Variants in SLC5A4 observed in about 807,000 individuals in gnomAD.
SLC5A4 encodes probable glucose sensor protein SLC5A4.
A neutral mutation model predicts 70.3 loss-of-function variants in SLC5A4; 55 were observed. The ratio of observed to expected loss-of-function variants is 0.78; its 90% confidence interval spans 0.63 to 0.98. The LOEUF is 0.98. SLC5A4 is among the 50% of genes least tolerant of loss of function. The pLI is 0.00. For missense variants in SLC5A4, 735 were observed against 839.2 expected (o/e 0.88, Z 1.53); for synonymous variants, 268 against 305.7 (o/e 0.88, Z 1.29).
At chr22:32,247,367 G>T in intron 5 of SLC5A4, 44 bp downstream of exon 5, 1 of 1,239,704 alleles carries the variant, frequency 8.1e-7, no homozygotes, top group South Asian at 1.2e-5. Flanking sequence ...GGCCCCATCT[G>T]ACCAACCTCT....
At chr22:32,322,624 C>T in the SLC5A4 span, among the ~76,000 whole-genome samples, 3 of 151,552 alleles carry the variant, frequency 2.0e-5, no homozygotes, top group Admixed American at 6.6e-5. Context: ...AAAGAAACAG[C>T]CAGAGGCCCA....
chr22:32,290,163 T>G, the SLC5A4 span, among the ~76,000 whole-genome samples: 1 of 152,190 alleles, frequency 6.6e-6, no homozygotes, highest in African/African-American at 2.4e-5. Flanking sequence ...ACATGTGCCG[T>G]GGTGGTTTGC....
At chr22:32,235,243 G>A in intron 7 of SLC5A4, 150 bp from the exon 8 acceptor site, 1 of 610,356 alleles carries the variant, frequency 1.6e-6, no homozygotes, top group Non-Finnish European at 2.9e-6. Context: ...ATGTCTTTCT[G>A]GTACCTCCGC....
Position 32,221,003 on chromosome 22 carries a change from A to C in SLC5A4, c.1685T>G (p.Val562Gly), listed in dbSNP as rs1925046857. 5.0e-6 allele frequency: 8 copies of C among 1,613,690 alleles called. No homozygotes were observed. The highest frequency in any genetic ancestry group is 6.8e-6 in the Non-Finnish European group (8 of 1,179,610). The stretch of plus-strand genomic sequence containing the variant: ...TCGCTCCTCTGTACTGTTCCGAAGA[A>C]CCCAGCACAGGCGGTACAGCTGAAC... Reference protein sequence around the residue: ...PDVHLYRLCWVLRNSTEERID... With the variant: ...PDVHLYRLCWGLRNSTEERID... The change falls in exon 14 of 15, where the codon GTT becomes GGT. Residue 562 changes from valine (V) to glycine (G), a missense_variant. Val to Gly is a moderately radical substitution (Grantham distance 109, BLOSUM62 -3). Transcript: ENST00000266086.
chr22:32,325,710 C>G, the SLC5A4 span, among the ~76,000 whole-genome samples: 11 of 152,276 alleles, frequency 7.2e-5, no homozygotes, highest in Non-Finnish European at 1.5e-4. Flanking sequence ...ACTTCCCATG[C>G]GTGTGTAGCC....
At chr22:32,307,650 G>A in the SLC5A4 span, among the ~76,000 whole-genome samples, 2 of 152,186 alleles carry the variant, frequency 1.3e-5, no homozygotes, top group Non-Finnish European at 1.5e-5. Context: ...AAAGTTGTTT[G>A]CATGCACTGA....
the SLC5A4 span, among the ~76,000 whole-genome samples, chr22:32,345,642 T>C: frequency 6.6e-6 from 1 of 152,274 alleles, no homozygotes; most frequent in South Asian, 2.1e-4. Context: ...CTTCCCAGTT[T>C]TGACATGTCA....
chr22:32,269,569 G>A, the SLC5A4 span: 56 of 627,114 alleles, frequency 8.9e-5, no homozygotes, highest in Non-Finnish European at 1.4e-4. This position sits in a 1 kb window ranked among gnomAD's most constrained non-coding sequence, Gnocchi z 4.1. Flanking sequence ...GGTGCACCCC[G>A]TCATCTGATC....
the SLC5A4 span, among the ~76,000 whole-genome samples, chr22:32,265,738 G>C: frequency 3.3e-5 from 5 of 152,074 alleles, no homozygotes; most frequent in Non-Finnish European, 7.4e-5. Context: ...TTTGCGGGAG[G>C]GAGAGGAACG....
At chr22:32,269,091 C>T in the SLC5A4 span, among the ~76,000 whole-genome samples, 1 of 152,146 alleles carries the variant, frequency 6.6e-6, no homozygotes, top group Non-Finnish European at 1.5e-5. The surrounding 1 kb of genome is among the most constrained non-coding windows in gnomAD (Gnocchi z 4.1). Context: ...CAGGGTTTTG[C>T]CATGTTGGCC....
At chr22:32,292,142 ATATTCTATATATT>A in the SLC5A4 span, among the ~76,000 whole-genome samples, 1 of 65,078 alleles carries the variant, frequency 1.5e-5, no homozygotes, top group African/African-American at 4.3e-5. Flanking sequence ...ATTATATATT[ATATTCTATATATT>A]ATATATATAA....
the SLC5A4 span, among the ~76,000 whole-genome samples, chr22:32,352,010 G>A: frequency 1.3e-5 from 2 of 151,802 alleles, no homozygotes; most frequent in Admixed American, 6.6e-5. Context: ...TATACATTTT[G>A]TCCCCTTCCT....
the SLC5A4 span, among the ~76,000 whole-genome samples, chr22:32,354,469 C>T: frequency 6.6e-6 from 1 of 151,656 alleles, no homozygotes; most frequent in Non-Finnish European, 1.5e-5. Context: ...TAACACGTCC[C>T]GCCCACCGCA....
the SLC5A4 span, among the ~76,000 whole-genome samples, chr22:32,315,507 T>G: frequency 6.6e-6 from 1 of 152,090 alleles, no homozygotes; most frequent in African/African-American, 2.4e-5. Flanking sequence ...ATTTTGATAT[T>G]GTTCACAGTA....
At position 32,251,655 on chromosome 22, in the gene SLC5A4, A is replaced by G. The variant is rs77789387; in HGVS notation, c.312+115T>C. On this transcript the variant is annotated intron_variant, in intron 3 of 14. Coordinates refer to ENST00000266086, the MANE Select transcript of SLC5A4 (RefSeq NM_014227.3). ...CAGCCTTCAGAGCTGTCAGAGATAC[A>G]TTTCTGTTCTTTATAAATTATCCAG... 3.1e-3 allele frequency: 2,333 copies of G among 741,104 alleles called. 3 individuals are homozygous for G. The highest frequency in any genetic ancestry group is 4.8e-3 in the Non-Finnish European group (2,067 of 426,400). 45.9% of individuals were successfully genotyped at this position (741,104 alleles called of 1,614,324 possible).
chr22:32,249,591 G>A (rs1293215707), intron 3 of SLC5A4, among the ~76,000 whole-genome samples: 1 of 152,220 alleles, frequency 6.6e-6, no homozygotes, highest in African/African-American at 2.4e-5. Context: ...GAGGGGCACA[G>A]GTATGTGTGA....
chr22:32,320,424 G>T, the SLC5A4 span, among the ~76,000 whole-genome samples: 2 of 152,302 alleles, frequency 1.3e-5, no homozygotes, highest in Non-Finnish European at 2.9e-5. Flanking sequence ...ATCACACAAA[G>T]GTGGGTCACA....
At chr22:32,316,339 A>G in the SLC5A4 span, among the ~76,000 whole-genome samples, 1 of 152,208 alleles carries the variant, frequency 6.6e-6, no homozygotes, top group African/African-American at 2.4e-5. Context: ...TTAATATCAG[A>G]CAAAGCTGAA....
At chr22:32,244,962 G>T (rs1926734654) in intron 5 of SLC5A4, among the ~76,000 whole-genome samples, 1 of 152,128 alleles carries the variant, frequency 6.6e-6, no homozygotes. Context: ...ATAATAAAGA[G>T]GAATTGCAAG....
Sources: allele counts gnomAD v4.1 joint callset (sites outside exome capture counted in the v4.1 genomes callset), GRCh38; gene constraint gnomAD v4.1.1; non-coding constraint Gnocchi (gnomAD v3.1); transcripts MANE v1.5; gene names NCBI Gene and HGNC (gene_info 2026-07-23, HGNC 2026-07-21).